ATF2: variants seen among roughly 807,000 people sequenced by gnomAD.
ATF2 encodes cyclic AMP-dependent transcription factor ATF-2.
Under a neutral mutation model 60.6 loss-of-function variants are expected in ATF2, and 24 were observed. The observed-to-expected ratio is 0.40, with a 90% CI of 0.29 to 0.56. The LOEUF (loss-of-function observed/expected upper bound fraction) is 0.56, where lower values mean the gene tolerates loss of function less well. ATF2 is among the 20% of genes least tolerant of loss of function. The probability of loss-of-function intolerance (pLI) is 0.54; values close to 1 mark genes in which losing one functional copy is unlikely to be tolerated. For synonymous variants in ATF2, 206 were observed against 215.4 expected (o/e 0.96, Z 0.38); for missense variants, 433 against 607.7 (o/e 0.71, Z 3.02).
intron 4 of ATF2, among the ~76,000 whole-genome samples, chr2:175,125,568 T>C (rs1187261275): frequency 6.6e-6 from 1 of 152,086 alleles, no homozygotes; most frequent in African/African-American, 2.4e-5. Flanking sequence ...CGTGTAAACA[T>C]TTAAATCCAG....
At chr2:175,113,153 A>G (rs1334935663) in intron 9 of ATF2, among the ~76,000 whole-genome samples, 3 of 152,230 alleles carry the variant, frequency 2.0e-5, no homozygotes, top group African/African-American at 4.8e-5. Context: ...TGTCAAAGAC[A>G]TAACTGAAGA....
At chr2:175,159,595 C>T (rs925713622) in intron 1 of ATF2, among the ~76,000 whole-genome samples, 7 of 152,150 alleles carry the variant, frequency 4.6e-5, no homozygotes, top group African/African-American at 1.7e-4. Flanking sequence ...GTATCACAAA[C>T]TTCTCCAGAC....
At chr2:175,154,326 C>T (rs1254736991) in intron 1 of ATF2, among the ~76,000 whole-genome samples, 4 of 151,542 alleles carry the variant, frequency 2.6e-5, no homozygotes, top group African/African-American at 7.3e-5. Flanking sequence ...CACAGGGTGA[C>T]GATCATCAGT....
chr2:175,101,108 T>C (rs145727746), intron 10 of ATF2, among the ~76,000 whole-genome samples: 161 of 152,292 alleles, frequency 1.1e-3, no homozygotes, highest in African/African-American at 3.5e-3. Context: ...AGATTCCTAG[T>C]TCCTTTTCTA....
At chr2:175,158,403 T>C (rs112765091) in intron 1 of ATF2, among the ~76,000 whole-genome samples, 1 of 152,078 alleles carries the variant, frequency 6.6e-6, no homozygotes, top group African/African-American at 2.4e-5. Flanking sequence ...AAATTTTTTT[T>C]GGAGTGACCG....
At chr2:175,141,561 C>T (rs1443506957) in intron 2 of ATF2, among the ~76,000 whole-genome samples, 1 of 151,850 alleles carries the variant, frequency 6.6e-6, no homozygotes, top group African/African-American at 2.4e-5. Flanking sequence ...GGCGCAATCT[C>T]GGTTCACTGT....
At chr2:175,164,614 A>G (rs527972176) in intron 1 of ATF2, among the ~76,000 whole-genome samples, 1 of 152,238 alleles carries the variant, frequency 6.6e-6, no homozygotes, top group Non-Finnish European at 1.5e-5. Flanking sequence ...AAACTATCTT[A>G]TACCTTACTA....
intron 1 of ATF2, among the ~76,000 whole-genome samples, chr2:175,162,840 T>C (rs1700105214): frequency 1.3e-5 from 2 of 152,070 alleles, no homozygotes; most frequent in South Asian, 4.1e-4. Flanking sequence ...ACACGTTTAA[T>C]AAATAAAAGC....
chr2:175,111,692 A>G (rs376235604), intron 9 of ATF2, 38 bp from the exon 10 acceptor site: 7 of 1,537,044 alleles, frequency 4.6e-6, no homozygotes, highest in Non-Finnish European at 6.3e-6. Context: ...GCTAGAGAAT[A>G]TATTCAAAAT....
At chr2:175,120,735 CA>C (rs1271018112) in intron 5 of ATF2, among the ~76,000 whole-genome samples, 9 of 151,138 alleles carry the variant, frequency 6.0e-5, no homozygotes, top group Non-Finnish European at 8.9e-5. Context: ...ATAAAATATA[CA>C]AAAAAGTAGC....
At chr2:175,076,783 T>A (rs914841535) in intron 13 of ATF2, among the ~76,000 whole-genome samples, 4 of 151,970 alleles carry the variant, frequency 2.6e-5, no homozygotes, top group African/African-American at 7.2e-5. Flanking sequence ...ATTTTTAAAA[T>A]TTTTTTATTT....
intron 9 of ATF2, among the ~76,000 whole-genome samples, chr2:175,111,895 TG>T (rs1696219335): frequency 6.6e-6 from 1 of 152,230 alleles, no homozygotes; most frequent in Non-Finnish European, 1.5e-5. Flanking sequence ...TCTTTCTTAA[TG>T]GTCCCTGTTA....
chr2:175,132,100 A>G (rs1458441163), intron 3 of ATF2, among the ~76,000 whole-genome samples: 1 of 152,232 alleles, frequency 6.6e-6, no homozygotes, highest in Non-Finnish European at 1.5e-5. Flanking sequence ...TGTATCCTCT[A>G]GAAAATGGCA....
intron 2 of ATF2, among the ~76,000 whole-genome samples, chr2:175,148,802 T>C (rs1261793813): frequency 6.6e-6 from 1 of 152,170 alleles, no homozygotes; most frequent in Non-Finnish European, 1.5e-5. Flanking sequence ...TTCAACCAAC[T>C]GCCAATCAGA....
In ATF2 at chr2:175,074,347, A is replaced by G. The variant is rs1394015956; in HGVS notation, c.*262T>C. ...GAAATAAATCACAATGAATTATAAT[A>G]CAATTTACACATTGAGCACAGAAAA... On this transcript the variant is annotated 3_prime_UTR_variant, in exon 14 of 14. Transcript: ENST00000264110. The G allele has an allele frequency of 3.9e-6, 1 of 258,156 alleles. No individual in the cohort carries two copies. The highest frequency in any genetic ancestry group is 7.3e-6 in the Non-Finnish European group (1 of 136,430). 16.0% of individuals were successfully genotyped at this position (258,156 alleles called of 1,614,324 possible).
At chr2:175,105,927 A>T (rs1438055647) in intron 10 of ATF2, among the ~76,000 whole-genome samples, 3 of 152,206 alleles carry the variant, frequency 2.0e-5, no homozygotes, top group African/African-American at 4.8e-5. Flanking sequence ...AGGAGAAATT[A>T]AAAAAGTAAT....
intron 3 of ATF2, among the ~76,000 whole-genome samples, chr2:175,131,763 G>A (rs1463932671): frequency 6.6e-6 from 1 of 152,048 alleles, no homozygotes; most frequent in African/African-American, 2.4e-5. Flanking sequence ...GAACAGTATG[G>A]CACCGCAGTT....
Position 175,117,193 on chromosome 2 carries a change from G to C in ATF2, c.447+797C>G, listed in dbSNP as rs74374996. The stretch of plus-strand genomic sequence containing the variant: ...ATGTTTCTGTATTCTTAGAGAAGAA[G>C]AATGAGAATGTACTTTTAAAATGAG... On this transcript the variant is annotated intron_variant, in intron 7 of 13. Transcript: ENST00000264110. 9.7e-3 allele frequency among the ~76,000 whole-genome samples: 1,460 copies of C among 151,126 alleles called. 52 individuals are homozygous for C. The highest frequency in any genetic ancestry group is 0.074 in the Admixed American group (1,125 of 15,154).
At chr2:175,135,006 TAAAAAAAAAAAAAAAA>T (rs60122560) in intron 3 of ATF2, among the ~76,000 whole-genome samples, 9,992 of 85,850 alleles carry the variant, frequency 0.12, 457 homozygotes, top group East Asian at 0.2. Context: ...CCCATCTCTT[TAAAAAAAAAAAAAAAA>T]AAAAAAAAAA....
Sources: gnomAD v4.1 joint callset for allele counts (sites outside exome capture counted in the v4.1 genomes callset) on GRCh38, gnomAD v4.1.1 for gene constraint, MANE v1.5 for transcripts, NCBI Gene and HGNC (gene_info 2026-07-23, HGNC 2026-07-21) for gene names.